HCN4: variants seen among roughly 807,000 people sequenced by gnomAD.
HCN4 encodes the protein hyperpolarization activated cyclic nucleotide gated potassium channel 4, also known as potassium/sodium hyperpolarization-activated cyclic nucleotide-gated channel 4.
Under a neutral mutation model 76.9 loss-of-function variants are expected in HCN4, and 29 were observed. The observed-to-expected ratio is 0.38, with a 90% confidence interval of 0.28 to 0.51. The LOEUF (loss-of-function observed/expected upper bound fraction) is 0.51. Ranked by LOEUF, HCN4 falls within the 20% of genes least tolerant of loss-of-function variation. The probability of loss-of-function intolerance (pLI) is 0.90; values close to 1 mark genes in which losing one functional copy is unlikely to be tolerated. For missense variants in HCN4, 1,416 were observed against 1,715.2 expected (o/e 0.83, Z 3.08); for synonymous variants, 772 against 762.5 (o/e 1.01, Z -0.21).
chr15:73,350,035 C>T (rs183793693), intron 1 of HCN4, among the ~76,000 whole-genome samples: 15 of 152,350 alleles, frequency 9.8e-5, no homozygotes, highest in East Asian at 1.9e-4. Context: ...CACTTGACCA[C>T]GTCACCACCT....
At position 73,334,727 on chromosome 15, in the gene HCN4, T is replaced by C. The variant is rs1182652699; in HGVS notation, c.1210-2435A>G. Among the ~76,000 whole-genome samples, 4 of 152,010 alleles carry C rather than the reference T, an allele frequency of 2.6e-5. No homozygotes were observed. In the East Asian group the frequency reaches 7.8e-4, roughly 29 times the overall value. ...AAACAAGCTAGACATCTGCCCCCTG[T>C]TTTACAAGATTGCTTGTGAATTAAA... On this transcript the variant is annotated intron_variant, in intron 2 of 7. Transcript: ENST00000261917.
intron 1 of HCN4, among the ~76,000 whole-genome samples, chr15:73,366,983 G>A (rs1484733506): frequency 2.0e-5 from 3 of 152,178 alleles, no homozygotes; most frequent in East Asian, 1.9e-4. Flanking sequence ...CAGTGACTTC[G>A]GTCCTCCAGG....
At chr15:73,355,958 A>G (rs2043077147) in intron 1 of HCN4, among the ~76,000 whole-genome samples, 1 of 152,180 alleles carries the variant, frequency 6.6e-6, no homozygotes, top group Non-Finnish European at 1.5e-5. Context: ...CAAGAATCAA[A>G]GAAGGCTCCA....
At chr15:73,359,712 G>A (rs1039887319) in intron 1 of HCN4, among the ~76,000 whole-genome samples, 1 of 152,154 alleles carries the variant, frequency 6.6e-6, no homozygotes, top group Non-Finnish European at 1.5e-5. Flanking sequence ...ATTGTCAGAA[G>A]CTGAGTTCTA....
At chr15:73,352,945 G>T (rs1456007005) in intron 1 of HCN4, among the ~76,000 whole-genome samples, 6 of 152,152 alleles carry the variant, frequency 3.9e-5, no homozygotes, top group Admixed American at 3.9e-4. Context: ...CACACAGTTG[G>T]GCAAGGGATG....
At chr15:73,347,591 A>G (rs1320782096) in intron 1 of HCN4, among the ~76,000 whole-genome samples, 1 of 152,174 alleles carries the variant, frequency 6.6e-6, no homozygotes, top group East Asian at 1.9e-4. Flanking sequence ...AGAAGGGAAA[A>G]CGAAGGCTCA....
chr15:73,343,248 A>G lies in HCN4; in HGVS notation c.1209+137T>C, dbSNP rs557418105. ...CATGATAAGAGGTCAAGAACTTACT[A>G]GTATTTGTCCTCTTGGAGCAGGTGT... On this transcript the variant is annotated intron_variant, in intron 2 of 7. Coordinates refer to ENST00000261917, the MANE Select transcript of HCN4 (RefSeq NM_005477.3). This position sits in a 1 kb window ranked among gnomAD's most constrained non-coding sequence, Gnocchi z 5.7. The G allele has an allele frequency of 1.4e-5, 11 of 774,332 alleles. No homozygotes were observed. The highest frequency in any genetic ancestry group is 1.3e-4 in the East Asian group (5 of 37,250). The allele number at this position is 774,332 out of a possible 1,614,324, so 48.0% of individuals were successfully genotyped here.
chr15:73,354,532 C>T (rs1377770410), intron 1 of HCN4, among the ~76,000 whole-genome samples: 2 of 152,208 alleles, frequency 1.3e-5, no homozygotes, highest in African/African-American at 4.8e-5. Context: ...GATGCTGAGA[C>T]TGCTGGTGCA....
chr15:73,356,483 G>A (rs2043081580), intron 1 of HCN4, among the ~76,000 whole-genome samples: 1 of 151,042 alleles, frequency 6.6e-6, no homozygotes, highest in Non-Finnish European at 1.5e-5. Context: ...AAAATGCTGG[G>A]ATTACAGGAG....
At position 73,325,134 on chromosome 15, in the gene HCN4, T is replaced by C; in HGVS notation, c.1799A>G (p.Asp600Gly). 6.2e-7 allele frequency: 1 copy of C among 1,614,078 alleles called. No homozygotes were observed. The highest frequency in any genetic ancestry group is 8.5e-7 in the Non-Finnish European group (1 of 1,180,018). The change falls in exon 6 of 8, where the codon GAC becomes GGC. Residue 600 changes from aspartate (D) to glycine (G), a missense_variant. Asp to Gly is a moderately conservative substitution (Grantham distance 94). Transcript: ENST00000261917. The surrounding 1 kb of genome is among the most constrained non-coding windows in gnomAD (Gnocchi z 7.4). The stretch of plus-strand genomic sequence containing the variant: ...CAGCATGGACGTCACGAAGTTGGGG[T>C]CCGCATTGGCAAACAGTGGCATGGA... ...VASMPLFANA[D>G]PNFVTSMLTK...
chr15:73,334,873 C>T (rs911006300), intron 2 of HCN4, among the ~76,000 whole-genome samples: 1 of 152,146 alleles, frequency 6.6e-6, no homozygotes, highest in Non-Finnish European at 1.5e-5. Context: ...CAAATTCCTA[C>T]GTTGAATTCC....
Position 73,368,656 on chromosome 15 carries a change from A to T in HCN4, c.-386T>A, listed in dbSNP as rs1204115123. ...CGCGGCGCTCAGGGAACCGCTCCGG[A>T]GTGCAGAGCGCACGGCCCGCGCGGG... On this transcript the variant is annotated 5_prime_UTR_variant, in exon 1 of 8. Coordinates refer to ENST00000261917, the MANE Select transcript of HCN4 (RefSeq NM_005477.3). The surrounding 1 kb of genome is among the most constrained non-coding windows in gnomAD (Gnocchi z 6.9). The T allele has an allele frequency of 6.5e-6, 1 of 155,004 alleles. No individual in the cohort carries two copies. The highest frequency in any genetic ancestry group is 1.4e-5 in the Non-Finnish European group (1 of 70,322). The allele number at this position is 155,004 out of a possible 1,614,324, so 9.6% of individuals were successfully genotyped here.
At chr15:73,364,727 G>A (rs2043121001) in intron 1 of HCN4, among the ~76,000 whole-genome samples, 1 of 152,126 alleles carries the variant, frequency 6.6e-6, no homozygotes, top group Non-Finnish European at 1.5e-5. Flanking sequence ...GGGATCGGGG[G>A]CAGGTAGAGT....
intron 6 of HCN4, among the ~76,000 whole-genome samples, chr15:73,324,665 C>T (rs946239224): frequency 4.6e-5 from 7 of 152,206 alleles, no homozygotes; most frequent in African/African-American, 1.7e-4. Context: ...GTCAGCAGTG[C>T]AGCCCAGAAG....
chr15:73,334,137 G>T (rs1415590914), intron 2 of HCN4, among the ~76,000 whole-genome samples: 1 of 151,696 alleles, frequency 6.6e-6, no homozygotes, highest in African/African-American at 2.4e-5. Context: ...TGGTGTAGAC[G>T]GTGCTGTGTG....
At chr15:73,332,375 T>A in intron 2 of HCN4, 83 bp from the exon 3 acceptor site, 1 of 1,383,506 alleles carries the variant, frequency 7.2e-7, no homozygotes, top group Non-Finnish European at 1.0e-6. Flanking sequence ...CTGGAGCTGC[T>A]GGTGGGCACT....
Position 73,324,184 on chromosome 15 carries a change from G to A in HCN4, c.2048C>T (p.Ser683Leu), listed in dbSNP as rs2042884942. ...VRADTYCRLY[S>L]LSVDNFNEVL... ...CTCATTGAAGTTGTCCACGCTCAGC[G>A]AGTAGAGGCGGCAGTAGGTGTCGGC... Residue 683 changes from serine (S) to leucine (L), a missense_variant, in exon 7 of 8, where the codon TCG (serine) becomes TTG (leucine). Around this residue, in one of 6 missense-constraint regions of HCN4, gnomAD observed 241 missense variants for 379.4 expected, o/e 0.64. Coordinates refer to ENST00000261917, the MANE Select transcript of HCN4 (RefSeq NM_005477.3). 6.2e-7 allele frequency: 1 copy of A among 1,614,122 alleles called. No individual in the cohort carries two copies. The highest frequency in any genetic ancestry group is 8.5e-7 in the Non-Finnish European group (1 of 1,180,000).
chr15:73,321,856 CAT>C lies in HCN4; in HGVS notation c.*623_*624del, dbSNP rs1416660732. Reference sequence around the variant, plus strand: ...AAACTAGACCGCACACGTGTGCGCACATGTGAGTGGCTATCTACATGGCTCTA... The same window carrying C: ...AAACTAGACCGCACACGTGTGCGCACGTGAGTGGCTATCTACATGGCTCTA... On this transcript the variant is annotated 3_prime_UTR_variant, in exon 8 of 8. Coordinates refer to ENST00000261917, the MANE Select transcript of HCN4 (RefSeq NM_005477.3). 3.8e-5 allele frequency: 6 copies of C among 157,560 alleles called. No individual in the cohort carries two copies. Among genetic ancestry groups the C allele is most frequent in the Admixed American group, 6.1e-5 (1 of 16,262 alleles). The allele number at this position is 157,560 out of a possible 1,614,324, so 9.8% of individuals were successfully genotyped here.
chr15:73,353,824 G>A (rs779655944), intron 1 of HCN4, among the ~76,000 whole-genome samples: 4 of 152,126 alleles, frequency 2.6e-5, no homozygotes, highest in Non-Finnish European at 5.9e-5. Context: ...CTTGAGCCAG[G>A]CTGGGTGCTC....
Sources: gnomAD v4.1 joint callset for allele counts (sites outside exome capture counted in the v4.1 genomes callset) on GRCh38, gnomAD v4.1.1 for gene constraint, gnomAD v4.1.1 regional missense constraint, Gnocchi (gnomAD v3.1) non-coding constraint, MANE v1.5 for transcripts, NCBI Gene and HGNC (gene_info 2026-07-23, HGNC 2026-07-21) for gene names.